The following SYT4 variants were observed in gnomAD, a reference collection of about 807,000 sequenced individuals.
The protein encoded by SYT4 is synaptotagmin-4.
SYT4 carries 7 observed loss-of-function variants against 32.9 expected under a neutral mutation model. That is an observed-to-expected ratio of 0.21 (90% CI 0.12 to 0.40). The LOEUF (loss-of-function observed/expected upper bound fraction) is 0.40, where lower values mean the gene tolerates loss of function less well. Among genes scored for constraint, SYT4 ranks in the 10% least tolerant of loss-of-function variants. The pLI, the probability that SYT4 is intolerant of heterozygous loss-of-function variation, is 1.00. For missense variants in SYT4, 480 were observed against 488.0 expected, an observed-to-expected ratio of 0.98 and a Z score of 0.16; for synonymous variants, 205 against 186.2, an observed-to-expected ratio of 1.10 and a Z score of -0.82.
intron 1 of SYT4, among the ~76,000 whole-genome samples, chr18:43,274,883 A>T (rs957537441): frequency 6.6e-6 from 1 of 152,166 alleles, no homozygotes; most frequent in African/African-American, 2.4e-5. Context: ...TAGGAAATTG[A>T]TTGTGAAATG....
Position 43,274,276 on chromosome 18 carries a change from G to A in SYT4, c.153C>T (p.Tyr51=), listed in dbSNP as rs765452678. The A allele has an allele frequency of 1.9e-6, 3 of 1,613,890 alleles. No individual in the cohort carries two copies. The highest frequency in any genetic ancestry group is 3.3e-5 in the Admixed American group (2 of 59,990). ...CTCCCTTAAGCACATGCACAAACTT[G>A]TATGGAGGAGTCTTGTTAGACTTGG... ...KSSKSNKTPP[Y]KFVHVLKGVD... The change falls in exon 2 of 4, where the codon TAC becomes TAT. Residue 51 remains tyrosine (Y), a synonymous_variant. Coordinates refer to ENST00000255224, the MANE Select transcript of SYT4 (RefSeq NM_020783.4).
At chr18:43,271,490 T>C (rs1162183105) in intron 3 of SYT4, among the ~76,000 whole-genome samples, 2 of 152,192 alleles carry the variant, frequency 1.3e-5, no homozygotes, top group South Asian at 4.1e-4. Context: ...ACTCAGGTAA[T>C]TTTAAACTGT....
In SYT4 at chr18:43,268,185, A is replaced by G. The variant is rs1908512581; in HGVS notation, c.*2156T>C. Reference sequence around the variant, plus strand: ...GATATTCACATTGATATTGTAATACATTCTAAAACAGTACATTTTCAGAAA... The same window carrying G: ...GATATTCACATTGATATTGTAATACGTTCTAAAACAGTACATTTTCAGAAA... On this transcript the variant is annotated 3_prime_UTR_variant, in exon 4 of 4. Coordinates refer to ENST00000255224, the MANE Select transcript of SYT4 (RefSeq NM_020783.4). 1 of 152,644 alleles carries G rather than the reference A, an allele frequency of 6.6e-6. No individual in the cohort carries two copies. Among genetic ancestry groups the G allele is most frequent in the African/African-American group, 2.4e-5 (1 of 41,466 alleles). 9.5% of individuals were successfully genotyped at this position (152,644 alleles called of 1,614,324 possible).
chr18:43,270,259 A>T lies in SYT4; in HGVS notation c.*82T>A. 1 of 1,452,096 alleles carries T rather than the reference A, an allele frequency of 6.9e-7. No homozygotes were observed. The allele number at this position is 1,452,096 out of a possible 1,614,324, so 90.0% of individuals were successfully genotyped here. On this transcript the variant is annotated 3_prime_UTR_variant, in exon 4 of 4. Coordinates refer to ENST00000255224, the MANE Select transcript of SYT4 (RefSeq NM_020783.4). ...CAACAAAAAGGTAGCTTGATTTCCC[A>T]AGCTTGCAATCCAATATAGAAAGAA...
rs2144365758 is a variant in SYT4 at position 43,271,806 on chromosome 18, C to A, written c.876G>T (p.Leu292=). ...TGGTGGACTGATAGCAGAGAGAGATCAGTAACTCACCCCGTCCTGAAGACT... is the reference window on the plus strand; with the variant it reads ...TGGTGGACTGATAGCAGAGAGAGATAAGTAACTCACCCCGTCCTGAAGACT... The part of the protein sequence containing the change: ...VRKSSGRGEL[L]ISLCYQSTTN... Residue 292 remains leucine, a synonymous_variant, in exon 3 of 4, where the codon CTG becomes CTT. Coordinates refer to ENST00000255224, the MANE Select transcript of SYT4 (RefSeq NM_020783.4). 1 of 1,612,960 alleles carries A rather than the reference C, an allele frequency of 6.2e-7. No individual in the cohort carries two copies. The highest frequency in any genetic ancestry group is 8.5e-7 in the Non-Finnish European group (1 of 1,179,136).
At position 43,269,188 on chromosome 18, in the gene SYT4, G is replaced by A. The variant is rs1270671667; in HGVS notation, c.*1153C>T. 2.0e-5 allele frequency: 3 copies of A among 152,198 alleles called. No individual in the cohort carries two copies. The highest frequency in any genetic ancestry group is 1.3e-4 in the Admixed American group (2 of 15,272). 9.4% of individuals were successfully genotyped at this position (152,198 alleles called of 1,614,324 possible). On this transcript the variant is annotated 3_prime_UTR_variant, in exon 4 of 4. Transcript: ENST00000255224. ...AAGACAAATTAGCCTAGAAAAGATA[G>A]TGAAACACATTCTTTGTTGTGCTAA... is the stretch of plus-strand genomic sequence containing the variant.
chr18:43,273,759 T>C lies in SYT4; in HGVS notation c.670A>G (p.Thr224Ala). Residue 224 changes from threonine (T) to alanine (A), a missense_variant, in exon 2 of 4, where the codon ACA (threonine) becomes GCA (alanine). Physicochemically the swap from Thr to Ala is moderately conservative, Grantham distance 58. Transcript: ENST00000255224. ...TLDPAFDETFTFYGIPYTQIQ... is the reference protein window; with the variant it reads ...TLDPAFDETFAFYGIPYTQIQ... ...TGGGTGTAGGGTATCCCATAGAATGTAAAGGTCTCATCAAAAGCTGGATCC... is the reference window on the plus strand; with the variant it reads ...TGGGTGTAGGGTATCCCATAGAATGCAAAGGTCTCATCAAAAGCTGGATCC... 6.2e-7 allele frequency: 1 copy of C among 1,614,018 alleles called. No individual in the cohort carries two copies. Among genetic ancestry groups the C allele is most frequent in the Non-Finnish European group, 8.5e-7 (1 of 1,179,928 alleles).
chr18:43,277,194 C>T (rs369707931), intron 1 of SYT4, 54 bp downstream of exon 1: 12 of 1,605,290 alleles, frequency 7.5e-6, no homozygotes, highest in Non-Finnish European at 1.0e-5. Flanking sequence ...ATAAACAGTC[C>T]ACCCCAGAGT....
rs1908589977 is a variant in SYT4 at position 43,270,357 on chromosome 18, A to G, written c.1262T>C (p.Val421Ala). 1 of 1,613,826 alleles carries G rather than the reference A, an allele frequency of 6.2e-7. No homozygotes were observed. The highest frequency in any genetic ancestry group is 1.7e-5 in the Admixed American group (1 of 59,996). Residue 421 changes from valine to alanine, a missense_variant, in exon 4 of 4, where the codon GTG becomes GCG. Coordinates refer to ENST00000255224, the MANE Select transcript of SYT4 (RefSeq NM_020783.4). The part of the protein sequence containing the change: ...YPRRQIAKWH[V>A]LCDG ...GCTAGGATGCTAACCATCACAGAGC[A>G]CGTGCCACTTGGCAATTTGTCTCCT... is the stretch of plus-strand genomic sequence containing the variant.
Position 43,274,239 on chromosome 18 carries a change from G to A in SYT4, c.190C>T (p.Pro64Ser), listed in dbSNP as rs200882316. Residue 64 changes from proline (P) to serine (S), a missense_variant, in exon 2 of 4, where the codon CCT becomes TCT. By Grantham distance (74) the Pro-to-Ser change is moderately conservative. Transcript: ENST00000255224. ...VHVLKGVDIY[P>S]ENLNSKKKFG... is the part of the protein sequence containing the mutation. Reference sequence around the variant, plus strand: ...TTCTTTTTGCTATTTAGGTTTTCAGGGTAAATATCAACTCCCTTAAGCACA... The same window carrying A: ...TTCTTTTTGCTATTTAGGTTTTCAGAGTAAATATCAACTCCCTTAAGCACA... The A allele has an allele frequency of 6.2e-7, 1 of 1,613,774 alleles. No individual in the cohort carries two copies. Among genetic ancestry groups the A allele is most frequent in the South Asian group, 1.1e-5 (1 of 91,070 alleles).
chr18:43,276,526 G>C (rs554211756), intron 1 of SYT4, among the ~76,000 whole-genome samples: 32 of 152,196 alleles, frequency 2.1e-4, no homozygotes, highest in African/African-American at 7.7e-4. Flanking sequence ...CAAAAACTTG[G>C]TGTGAGAAAA....
rs951612422 is a variant in SYT4 at position 43,269,529 on chromosome 18, C to T, written c.*812G>A. On this transcript the variant is annotated 3_prime_UTR_variant, in exon 4 of 4. Coordinates refer to ENST00000255224, the MANE Select transcript of SYT4 (RefSeq NM_020783.4). ...TAGTTGAAGTTTATTTCTTTATTCACTAACTAATTCAACAATTTCACAAAG... is the reference window on the plus strand; with the variant it reads ...TAGTTGAAGTTTATTTCTTTATTCATTAACTAATTCAACAATTTCACAAAG... 3.3e-5 allele frequency: 5 copies of T among 152,604 alleles called. No homozygotes were observed. Among genetic ancestry groups the T allele is most frequent in the Non-Finnish European group, 7.3e-5 (5 of 68,038 alleles). 9.5% of individuals were successfully genotyped at this position (152,604 alleles called of 1,614,324 possible).
intron 1 of SYT4, among the ~76,000 whole-genome samples, chr18:43,275,928 AC>A (rs1908778673): frequency 6.6e-6 from 1 of 152,110 alleles, no homozygotes; most frequent in African/African-American, 2.4e-5. Context: ...GACCATAATA[AC>A]CCAAGGCCAG....
chr18:43,270,982 A>T (rs1908613197), intron 3 of SYT4, among the ~76,000 whole-genome samples: 1 of 152,196 alleles, frequency 6.6e-6, no homozygotes, highest in Non-Finnish European at 1.5e-5. Flanking sequence ...AGAATAGGAT[A>T]GAAGGAAAAA....
At chr18:43,277,034 C>T (rs1240188810) in intron 1 of SYT4, among the ~76,000 whole-genome samples, 2 of 152,084 alleles carry the variant, frequency 1.3e-5, no homozygotes, top group African/African-American at 4.8e-5. Context: ...TAAATTCTCC[C>T]TAACAGAAGA....
chr18:43,271,625 A>G, intron 3 of SYT4, 87 bp downstream of exon 3: 1 of 1,532,564 alleles, frequency 6.5e-7, no homozygotes, highest in Non-Finnish European at 8.9e-7. Context: ...TAGAGAAAAG[A>G]TAGAAGAGTA....
chr18:43,274,440 G>A (rs1365829224), intron 1 of SYT4, 46 bp from the exon 2 acceptor site: 3 of 1,458,840 alleles, frequency 2.1e-6, no homozygotes, highest in African/African-American at 1.4e-5. Context: ...AAGCAGAGCT[G>A]GAGATATGAG....
chr18:43,271,813 T>A lies in SYT4; in HGVS notation c.869A>T (p.Glu290Val), dbSNP rs1908639078. 6.2e-7 allele frequency: 1 copy of A among 1,612,944 alleles called. No individual in the cohort carries two copies. Among genetic ancestry groups the A allele is most frequent in the Non-Finnish European group, 8.5e-7 (1 of 1,179,080 alleles). ...RNVRKSSGRG[E>V]LLISLCYQST... ...CTGATAGCAGAGAGAGATCAGTAACTCACCCCGTCCTGAAGACTTCTGCAG... is the reference window on the plus strand; with the variant it reads ...CTGATAGCAGAGAGAGATCAGTAACACACCCCGTCCTGAAGACTTCTGCAG... The change falls in exon 3 of 4, where the codon GAG becomes GTG. Residue 290 changes from glutamate (E) to valine (V), a missense_variant. Physicochemically the swap from Glu to Val is moderately radical, Grantham distance 121. Transcript: ENST00000255224.
chr18:43,271,850 T>C lies in SYT4; in HGVS notation c.850-18A>G. ...GAAGACTTCTGCAGAAAGAGAAATG[T>C]GATATAAGTATTTCTATCTTTTTAA... On this transcript the variant is annotated intron_variant, in intron 2 of 3. Transcript: ENST00000255224. The C allele has an allele frequency of 6.2e-7, 1 of 1,607,566 alleles. No homozygotes were observed. The highest frequency in any genetic ancestry group is 2.2e-5 in the East Asian group (1 of 44,652).
Sources: allele counts gnomAD v4.1 joint callset (sites outside exome capture counted in the v4.1 genomes callset), GRCh38; gene constraint gnomAD v4.1.1; transcripts MANE v1.5; gene names NCBI Gene and HGNC (gene_info 2026-07-23, HGNC 2026-07-21).